The following BECN1 variants were observed in gnomAD, a reference collection of about 807,000 sequenced individuals.
BECN1 encodes beclin 1.
In BECN1, 15 loss-of-function variants were observed where a neutral mutation model predicts 60.1. The observed-to-expected ratio is 0.25, with a 90% confidence interval of 0.17 to 0.38. The LOEUF (loss-of-function observed/expected upper bound fraction) is 0.38. Among genes scored for constraint, BECN1 ranks in the 10% least tolerant of loss-of-function variants. BECN1 has a pLI of 1.00. For synonymous variants in BECN1, 179 were observed against 201.8 expected (o/e 0.89, Z 0.96); for missense variants, 424 against 548.2 (o/e 0.77, Z 2.26).
At chr17:42,812,186 A>G in intron 10 of BECN1, 1 of 162,206 alleles carries the variant, frequency 6.2e-6, no homozygotes, top group South Asian at 1.7e-4. Flanking sequence ...GGAGTTTGAG[A>G]CTAGCCTGAC....
At chr17:42,820,581 T>C in intron 3 of BECN1, 193 bp downstream of exon 3, 1 of 546,286 alleles carries the variant, frequency 1.8e-6, no homozygotes, top group Non-Finnish European at 3.3e-6. Flanking sequence ...CAGGTGCAGA[T>C]CTGTACCTCC....
intron 11 of BECN1, 121 bp downstream of exon 11, chr17:42,811,534 G>A: frequency 7.6e-7 from 1 of 1,323,222 alleles, no homozygotes. Flanking sequence ...AATGTCATGT[G>A]ATTCTGTGCC....
intron 11 of BECN1, 188 bp downstream of exon 11, chr17:42,811,467 A>G: frequency 1.7e-6 from 1 of 595,924 alleles, no homozygotes; most frequent in Non-Finnish European, 2.7e-6. Context: ...TTCTACTCCA[A>G]GGACTAGGTG....
rs1464158980 is a variant in BECN1, at chr17:42,810,640, TTTC to T, written c.*117_*119del. The T allele has an allele frequency of 6.3e-6, 7 of 1,115,020 alleles. No individual in the cohort carries two copies. In the African/African-American group the frequency reaches 6.5e-5, roughly 10 times the overall value. The allele number at this position is 1,115,020 out of a possible 1,614,324, so 69.1% of individuals were successfully genotyped here. A position where few individuals can be genotyped will look rare whatever the true frequency, so the allele number is the denominator to read the frequency against. ...AAAATAAAGTGGCTTTTGTGGATTT[TTTC>T]TTTTTTGGTATTGTAAACATGTACT... On this transcript the variant is annotated 3_prime_UTR_variant, in exon 12 of 12. Transcript: ENST00000590099.
At chr17:42,820,706 T>C in intron 3 of BECN1, 68 bp downstream of exon 3, 6 of 1,472,116 alleles carry the variant, frequency 4.1e-6, no homozygotes, top group Non-Finnish European at 5.6e-6. Flanking sequence ...ATTCCTGTTT[T>C]CATATCATAT....
chr17:42,823,958 T>G (rs987334572), intron 1 of BECN1, 79 bp from the exon 2 acceptor site: 1 of 1,532,918 alleles, frequency 6.5e-7, no homozygotes, highest in East Asian at 2.3e-5. Context: ...CATGCCTTGG[T>G]GACGATGGTA....
intron 7 of BECN1, 102 bp downstream of exon 7, chr17:42,818,119 G>A: frequency 7.8e-7 from 1 of 1,275,894 alleles, no homozygotes; most frequent in Non-Finnish European, 1.1e-6. Flanking sequence ...GCTGCTGACT[G>A]ACAGCTGACT....
intron 4 of BECN1, chr17:42,819,335 G>C (rs1400839302): frequency 1.9e-6 from 1 of 530,684 alleles, no homozygotes; most frequent in South Asian, 3.2e-5. Context: ...CATCATTAAA[G>C]CTACTATCCT....
Position 42,810,469 on chromosome 17 carries a change from TAAAAAAA to T in BECN1, c.*284_*290del, listed in dbSNP as rs1042066751. ...CACATCAATCTCAATTCAACTCAGT[TAAAAAAA>T]AGAAAAGCAAATTTAAATTAGTTTT... On this transcript the variant is annotated 3_prime_UTR_variant, in exon 12 of 12. Coordinates refer to ENST00000590099, the MANE Select transcript of BECN1 (RefSeq NM_001313998.2). The T allele has an allele frequency of 4.8e-6, 1 of 207,486 alleles. No homozygotes were observed. The highest frequency in any genetic ancestry group is 2.3e-5 in the African/African-American group (1 of 43,352). 12.9% of individuals were successfully genotyped at this position (207,486 alleles called of 1,614,324 possible). A position where few individuals can be genotyped will look rare whatever the true frequency, so the allele number is the denominator to read the frequency against.
At chr17:42,817,857 A>ATT (rs2055178145) in intron 7 of BECN1, among the ~76,000 whole-genome samples, 2 of 152,122 alleles carry the variant, frequency 1.3e-5, no homozygotes, top group Non-Finnish European at 2.9e-5. Flanking sequence ...CCCCCATGAA[A>ATT]TGTTTAAGCT....
chr17:42,820,606 G>C, intron 3 of BECN1, 168 bp downstream of exon 3: 1 of 613,808 alleles, frequency 1.6e-6, no homozygotes. Context: ...GTGCATAGCA[G>C]CCTGATCATG....
At chr17:42,819,998 A>G (rs1254575265) in intron 3 of BECN1, among the ~76,000 whole-genome samples, 1 of 152,212 alleles carries the variant, frequency 6.6e-6, no homozygotes, top group Non-Finnish European at 1.5e-5. Flanking sequence ...TAGAAAATTT[A>G]TATGTTTTCA....
intron 10 of BECN1, 132 bp downstream of exon 10, chr17:42,813,815 AT>A (rs2055087973): frequency 1.6e-6 from 1 of 624,400 alleles, no homozygotes; most frequent in Admixed American, 3.2e-5. Flanking sequence ...TAGACAAGAT[AT>A]TGAACAATAT....
rs1048902831 is a variant in BECN1, at chr17:42,810,532, G to A, written c.*228C>T. 1.1e-5 allele frequency: 4 copies of A among 368,670 alleles called. No homozygotes were observed. Among genetic ancestry groups the A allele is most frequent in the Non-Finnish European group, 1.9e-5 (4 of 209,920 alleles). The allele number at this position is 368,670 out of a possible 1,614,324, so 22.8% of individuals were successfully genotyped here. On this transcript the variant is annotated 3_prime_UTR_variant, in exon 12 of 12. Coordinates refer to ENST00000590099, the MANE Select transcript of BECN1 (RefSeq NM_001313998.2). ...GAGAAGAAAGGGAAAGGAGTCCATG[G>A]GGTTAAGAATCAAAACTGACCAGGG...
chr17:42,823,751 T>C lies in BECN1; in HGVS notation c.127A>G (p.Thr43Ala). ...ILDRVTIQELTAPLLTTAQAK... is the reference protein window; with the variant it reads ...ILDRVTIQELAAPLLTTAQAK... Reference sequence around the variant, plus strand: ...TCTTTCCAAGGGTCTCGCTGACCTGTGAGTTCCTGGATGGTGACACGGTCC... The same window carrying C: ...TCTTTCCAAGGGTCTCGCTGACCTGCGAGTTCCTGGATGGTGACACGGTCC... Residue 43 changes from threonine to alanine, a missense_variant, in exon 2 of 12, where the codon ACA becomes GCA. Physicochemically the swap from Thr to Ala is moderately conservative, Grantham distance 58. Coordinates refer to ENST00000590099, the MANE Select transcript of BECN1 (RefSeq NM_001313998.2). The C allele has an allele frequency of 6.2e-7, 1 of 1,613,808 alleles. No homozygotes were observed. Among genetic ancestry groups the C allele is most frequent in the Non-Finnish European group, 8.5e-7 (1 of 1,179,804 alleles).
chr17:42,815,434 C>T (rs1398115144), intron 8 of BECN1, among the ~76,000 whole-genome samples: 2 of 152,152 alleles, frequency 1.3e-5, no homozygotes, highest in Non-Finnish European at 1.5e-5. Flanking sequence ...ATCAAGTGCC[C>T]TTATGTGTTC....
intron 2 of BECN1, 135 bp downstream of exon 2, chr17:42,823,613 G>A (rs1263433133): frequency 1.7e-5 from 22 of 1,258,476 alleles, no homozygotes; most frequent in South Asian, 7.6e-5. Flanking sequence ...AGAAAACAGG[G>A]AGCCAGATGA....
chr17:42,817,761 G>C (rs1042254210), intron 7 of BECN1, among the ~76,000 whole-genome samples: 2 of 152,000 alleles, frequency 1.3e-5, no homozygotes, highest in African/African-American at 4.8e-5. Context: ...TATTGCCCCA[G>C]ATGGCCTTAA....
In BECN1 at chr17:42,811,774, C is replaced by G. The variant is rs2055013112; in HGVS notation, c.1065G>C (p.Gly355=). 6.2e-7 allele frequency: 1 copy of G among 1,614,114 alleles called. No individual in the cohort carries two copies. Among genetic ancestry groups the G allele is most frequent in the Non-Finnish European group, 8.5e-7 (1 of 1,179,992 alleles). The part of the protein sequence containing the change: ...KSKELPLYCS[G]GLRFFWDNKF... ...TGTTGTCCCAGAAAAACCGCAACCC[C>G]CCAGAACAGTATAACGGCAGCTCCT... is the stretch of plus-strand genomic sequence containing the variant. Residue 355 remains glycine (G), a synonymous_variant, in exon 11 of 12, where the codon GGG becomes GGC. Coordinates refer to ENST00000590099, the MANE Select transcript of BECN1 (RefSeq NM_001313998.2).
Sources: gnomAD v4.1 joint callset for allele counts (sites outside exome capture counted in the v4.1 genomes callset) on GRCh38, gnomAD v4.1.1 for gene constraint, MANE v1.5 for transcripts, NCBI Gene and HGNC (gene_info 2026-07-23, HGNC 2026-07-21) for gene names.